Variants in RBFOX1 observed in about 807,000 individuals in gnomAD.
The protein encoded by RBFOX1 is RNA binding fox-1 homolog 1.
Under a neutral mutation model 57.7 loss-of-function variants are expected in RBFOX1, and 8 were observed. The ratio of observed to expected loss-of-function variants is 0.14; its 90% CI spans 0.08 to 0.25. The LOEUF (loss-of-function observed/expected upper bound fraction) is 0.25. RBFOX1 is among the 10% of genes least tolerant of loss of function. The pLI is 1.00. For synonymous variants in RBFOX1, 326 were observed against 222.4 expected, an observed-to-expected ratio of 1.47 and a Z score of -4.15; for missense variants, 611 against 548.5, an observed-to-expected ratio of 1.11 and a Z score of -1.14.
At chr16:5,824,647 A>G (rs539098863) in intron 3 of RBFOX1, among the ~76,000 whole-genome samples, 1 of 152,358 alleles carries the variant, frequency 6.6e-6, no homozygotes. Context: ...ATTGATTCCT[A>G]TGAAAACAAA....
intron 1 of RBFOX1, among the ~76,000 whole-genome samples, chr16:5,441,139 A>C (rs371977556): frequency 1.2e-4 from 19 of 152,266 alleles, no homozygotes; most frequent in East Asian, 1.2e-3. Context: ...GAGCTGCAAG[A>C]AAATTGGGTA....
At chr16:6,905,750 C>G (rs1001944729) in intron 3 of RBFOX1, among the ~76,000 whole-genome samples, 2 of 152,154 alleles carry the variant, frequency 1.3e-5, no homozygotes, top group Non-Finnish European at 1.5e-5. Flanking sequence ...AGTTTGCATG[C>G]CATGGATGGA....
At chr16:7,013,793 A>T (rs555489324) in intron 3 of RBFOX1, among the ~76,000 whole-genome samples, 1 of 152,064 alleles carries the variant, frequency 6.6e-6, no homozygotes, top group Non-Finnish European at 1.5e-5. Flanking sequence ...AAGGAGGTGG[A>T]ACTACAGGTG....
At chr16:5,995,164 C>T (rs1220157355) in intron 4 of RBFOX1, among the ~76,000 whole-genome samples, 1 of 152,188 alleles carries the variant, frequency 6.6e-6, no homozygotes, top group African/African-American at 2.4e-5. Flanking sequence ...CAACTTTCCA[C>T]ATAATTAAAT....
rs140927042 is a variant in RBFOX1, at chr16:7,030,128, C to A, written c.-15-21929C>A. The stretch of plus-strand genomic sequence containing the variant: ...ATAATGAGTAGATTGGCCCATAACC[C>A]TGGTGGTTTTAATTGTAGTGATGTC... On this transcript the variant is annotated intron_variant, in intron 3 of 15. Coordinates refer to ENST00000550418, the MANE Select transcript of RBFOX1 (RefSeq NM_018723.4). Among the ~76,000 whole-genome samples the A allele has an allele frequency of 3.9e-3, 599 of 152,204 alleles. 12 individuals are homozygous for A. The highest frequency in any genetic ancestry group is 0.022 in the South Asian group (106 of 4,824).
chr16:7,380,990 T>C (rs899181016), intron 4 of RBFOX1, among the ~76,000 whole-genome samples: 7 of 152,254 alleles, frequency 4.6e-5, no homozygotes, highest in African/African-American at 1.7e-4. Flanking sequence ...GACAGGTCTA[T>C]CCTAGTGTTC....
chr16:5,778,136 AGAG>A (rs965263350), intron 3 of RBFOX1, among the ~76,000 whole-genome samples: 22 of 152,284 alleles, frequency 1.4e-4, no homozygotes, highest in Admixed American at 5.9e-4. Flanking sequence ...GTGAGATAAA[AGAG>A]GAGAAGTGTC....
chr16:7,650,554 A>T (rs181365882), intron 11 of RBFOX1, among the ~76,000 whole-genome samples: 25 of 150,286 alleles, frequency 1.7e-4, no homozygotes, highest in Non-Finnish European at 3.6e-4. Context: ...CGCTCTTAAC[A>T]GCACGTGCTC....
At chr16:6,556,161 C>G (rs1179947268) in intron 2 of RBFOX1, among the ~76,000 whole-genome samples, 2 of 152,150 alleles carry the variant, frequency 1.3e-5, no homozygotes, top group South Asian at 2.1e-4. Flanking sequence ...TAAACCCTGT[C>G]TTTATTTAAA....
chr16:6,522,237 TA>T (rs1296628395), intron 2 of RBFOX1, among the ~76,000 whole-genome samples: 1 of 151,254 alleles, frequency 6.6e-6, no homozygotes, highest in Non-Finnish European at 1.5e-5. Flanking sequence ...CCCAAGTAGA[TA>T]AACCTCTGCC....
intron 3 of RBFOX1, among the ~76,000 whole-genome samples, chr16:5,609,570 G>T (rs897415884): frequency 5.9e-5 from 9 of 152,186 alleles, no homozygotes; most frequent in Non-Finnish European, 1.0e-4. Flanking sequence ...TGTCAGCGAA[G>T]GTTGACCCAG....
chr16:7,335,225 T>A (rs1235269582), intron 4 of RBFOX1, among the ~76,000 whole-genome samples: 1 of 152,222 alleles, frequency 6.6e-6, no homozygotes, highest in Admixed American at 6.5e-5. Flanking sequence ...TGCTGCAGAC[T>A]CCACTTGCTC....
At chr16:6,273,339 G>A (rs2075420446) in intron 1 of RBFOX1, among the ~76,000 whole-genome samples, 1 of 136,530 alleles carries the variant, frequency 7.3e-6, no homozygotes, top group Admixed American at 7.4e-5. Context: ...TGTTGTTGTT[G>A]GTTTTTTTTT....
At chr16:7,075,535 A>G (rs116495354) in intron 4 of RBFOX1, among the ~76,000 whole-genome samples, 2,707 of 152,262 alleles carry the variant, frequency 0.018, 88 homozygotes, top group African/African-American at 0.061. Flanking sequence ...ATAAAAGCCC[A>G]CACAACTTTG....
intron 4 of RBFOX1, among the ~76,000 whole-genome samples, chr16:7,127,809 T>C (rs1358035242): frequency 6.6e-6 from 1 of 152,234 alleles, no homozygotes; most frequent in African/African-American, 2.4e-5. Flanking sequence ...TAGGATGACC[T>C]GACTGAGAGC....
In RBFOX1 at chr16:7,337,418, G is replaced by C. The variant is rs150612826; in HGVS notation, c.28-180729G>C. 4.6e-5 allele frequency among the ~76,000 whole-genome samples: 7 copies of C among 152,312 alleles called. No homozygotes were observed. In the East Asian group the frequency reaches 5.8e-4, roughly 13 times the overall value. On this transcript the variant is annotated intron_variant, in intron 4 of 15. Coordinates refer to ENST00000550418, the MANE Select transcript of RBFOX1 (RefSeq NM_018723.4). ...AAATAATAATACGACTTGTTTAGTA[G>C]AGCAGAGAACTTGGGTGAATTCATG...
chr16:6,812,643 C>A (rs926454996), intron 3 of RBFOX1, among the ~76,000 whole-genome samples: 1 of 152,200 alleles, frequency 6.6e-6, no homozygotes, highest in Admixed American at 6.5e-5. Context: ...TACCACAGTG[C>A]TGGGATTACA....
In RBFOX1 at chr16:7,416,089, GC is replaced by G. The variant is rs201134958; in HGVS notation, c.28-102052del. ...TCCTTTCTTTCTTATTAAACCTCCA[GC>G]CCCCCAATCTGAAACGATTGCTCCC... On this transcript the variant is annotated intron_variant, in intron 4 of 15. Transcript: ENST00000550418. Among the ~76,000 whole-genome samples, 629 of 152,152 alleles carry G rather than the reference GC, an allele frequency of 4.1e-3. 5 individuals carry two copies. The highest frequency in any genetic ancestry group is 0.014 in the African/African-American group (595 of 41,502).
chr16:6,329,481 T>A (rs1424370012), intron 2 of RBFOX1, among the ~76,000 whole-genome samples: 1 of 152,188 alleles, frequency 6.6e-6, no homozygotes, highest in Non-Finnish European at 1.5e-5. Flanking sequence ...TCTTTCTATA[T>A]GCAGAACTCT....
Sources: allele counts gnomAD v4.1 joint callset (sites outside exome capture counted in the v4.1 genomes callset), GRCh38; gene constraint gnomAD v4.1.1; transcripts MANE v1.5; gene names NCBI Gene and HGNC (gene_info 2026-07-23, HGNC 2026-07-21).